The following FCRL3 variants were observed in gnomAD, a reference collection of about 807,000 sequenced individuals.
FCRL3 encodes Fc receptor-like protein 3.
FCRL3 carries 89 observed loss-of-function variants against 75.0 expected under a neutral mutation model. That is an observed-to-expected ratio of 1.19 (90% CI 1.00 to 1.42). The LOEUF is 1.42. Among genes scored for constraint, FCRL3 ranks in the 40% most tolerant of loss-of-function variants. The pLI is 0.00. For missense variants in FCRL3, 946 were observed against 880.0 expected (o/e 1.07, Z -0.95); for synonymous variants, 376 against 348.5 (o/e 1.08, Z -0.88).
chr1:157,677,145 A>G lies in FCRL3; in HGVS notation c.*1565T>C, dbSNP rs928133839. The stretch of plus-strand genomic sequence containing the variant: ...CCAGTGGGAGCAGTGTGGATTGATC[A>G]TCACATTTTTTGAGGCCAGCAGCTG... On this transcript the variant is annotated 3_prime_UTR_variant, in exon 15 of 15. Coordinates refer to ENST00000368184, the MANE Select transcript of FCRL3 (RefSeq NM_052939.4). 1 of 1,011,890 alleles carries G rather than the reference A, an allele frequency of 9.9e-7. No homozygotes were observed. The allele number at this position is 1,011,890 out of a possible 1,614,324, so 62.7% of individuals were successfully genotyped here. A position where few individuals can be genotyped will look rare whatever the true frequency, so the allele number is the denominator to read the frequency against.
intron 4 of FCRL3, 38 bp downstream of exon 4, chr1:157,698,346 G>A (rs769234216): frequency 1.2e-6 from 2 of 1,611,034 alleles, no homozygotes; most frequent in East Asian, 2.2e-5. Context: ...CATTCTGCCT[G>A]GTGGCTTGAC....
At chr1:157,700,851 C>A, upstream of FCRL3, 1 of 647,516 alleles carries the variant, frequency 1.5e-6, no homozygotes, top group Non-Finnish European at 2.0e-6. Context: ...TGGGAAACCC[C>A]TTCACTACCT....
intron 11 of FCRL3, among the ~76,000 whole-genome samples, chr1:157,681,386 T>A (rs1654836061): frequency 7.0e-6 from 1 of 141,874 alleles, no homozygotes; most frequent in Non-Finnish European, 1.5e-5. Flanking sequence ...ATGCTATCCC[T>A]CTCCCCTCCC....
intron 8 of FCRL3, 106 bp from the exon 9 acceptor site, chr1:157,690,639 G>A: frequency 1.4e-6 from 2 of 1,383,924 alleles, no homozygotes; most frequent in Non-Finnish European, 2.0e-6. Flanking sequence ...CATGCACCTG[G>A]ATTCTGGAGA....
chr1:157,690,465 C>T lies in FCRL3; in HGVS notation c.1480G>A (p.Glu494Lys), dbSNP rs943107070. Residue 494 changes from glutamate (E) to lysine (K), a missense_variant, in exon 9 of 15, where the codon GAG becomes AAG. Glu to Lys is a moderately conservative substitution (Grantham distance 56, BLOSUM62 1). Coordinates refer to ENST00000368184, the MANE Select transcript of FCRL3 (RefSeq NM_052939.4). ...CCTCTCAGGGACTCACAGTGAAGCT[C>T]CAGCAGGTCCCCCACCACAGCCTGG... Reference protein sequence around the residue: ...GAQAVVGDLLELHCESLRGSF... With the variant: ...GAQAVVGDLLKLHCESLRGSF... The T allele has an allele frequency of 6.2e-7, 1 of 1,614,232 alleles. No homozygotes were observed. The highest frequency in any genetic ancestry group is 8.5e-7 in the Non-Finnish European group (1 of 1,180,034).
chr1:157,699,941 T>A (rs571056372), intron 2 of FCRL3, among the ~76,000 whole-genome samples: 2 of 152,276 alleles, frequency 1.3e-5, no homozygotes, highest in South Asian at 4.1e-4. Context: ...ACGGCACACT[T>A]TATTCTCTCC....
rs1203081352 is a variant in FCRL3 at position 157,696,260 on chromosome 1, A to G, written c.912T>C (p.Asn304=). 1 of 1,613,558 alleles carries G rather than the reference A, an allele frequency of 6.2e-7. No individual in the cohort carries two copies. The highest frequency in any genetic ancestry group is 8.5e-7 in the Non-Finnish European group (1 of 1,179,912). Residue 304 remains asparagine, a synonymous_variant, in exon 7 of 15, where the codon AAT becomes AAC. Transcript: ENST00000368184. ...GGGCTACTGAGCAAATAAGGACCAT[A>G]TTTTCTCCTTCAATCAGCTGCCCTC... ...PTGGQLIEGE[N]MVLICSVAQG... is the part of the protein sequence containing the mutation.
At chr1:157,696,370 G>T in intron 6 of FCRL3, 43 bp from the exon 7 acceptor site, 1 of 1,604,580 alleles carries the variant, frequency 6.2e-7, no homozygotes, top group South Asian at 1.1e-5. Context: ...TGATGGCAGG[G>T]ACATCAAGGT....
Position 157,690,374 on chromosome 1 carries a change from G to A in FCRL3, c.1571C>T (p.Ser524Phe), listed in dbSNP as rs747937607. 3 of 1,614,104 alleles carry A rather than the reference G, an allele frequency of 1.9e-6. No homozygotes were observed. The East Asian group carries it at 6.7e-5, about 36-fold the overall frequency. Reference protein sequence around the residue: ...DDTLGNISAHSGGGASFNLSL... With the variant: ...DDTLGNISAHFGGGASFNLSL... ...GAGGTTGAAGGATGCCCCTCCTCCAGAGTGGGCCGAGATGTTCCCCAAGGT... is the reference window on the plus strand; with the variant it reads ...GAGGTTGAAGGATGCCCCTCCTCCAAAGTGGGCCGAGATGTTCCCCAAGGT... Residue 524 changes from serine (S) to phenylalanine (F), a missense_variant, in exon 9 of 15, where the codon TCT (serine) becomes TTT (phenylalanine). Ser to Phe is a radical substitution (Grantham distance 155, BLOSUM62 -2). Coordinates refer to ENST00000368184, the MANE Select transcript of FCRL3 (RefSeq NM_052939.4).
intron 10 of FCRL3, among the ~76,000 whole-genome samples, chr1:157,685,925 G>GGACAAC (rs1655147192): frequency 1.3e-5 from 2 of 152,046 alleles, no homozygotes; most frequent in Non-Finnish European, 2.9e-5. Flanking sequence ...AACTATGCAT[G>GGACAAC]TCCACTATCA....
chr1:157,691,474 A>G lies in FCRL3; in HGVS notation c.1412-941T>C, dbSNP rs371090230. Among the ~76,000 whole-genome samples, 22 of 152,302 alleles carry G rather than the reference A, an allele frequency of 1.4e-4. No individual in the cohort carries two copies. The South Asian group carries it at 1.9e-3, about 13-fold the overall frequency. On this transcript the variant is annotated intron_variant, in intron 8 of 14. Coordinates refer to ENST00000368184, the MANE Select transcript of FCRL3 (RefSeq NM_052939.4). ...GGGAATGAGTGTGAATGTGGAAACT[A>G]TTCACTGAATGGCAATGATTAAACT...
At position 157,678,549 on chromosome 1, in the gene FCRL3, T is replaced by A. The variant is rs1183923149; in HGVS notation, c.*161A>T. The A allele has an allele frequency of 6.8e-7, 1 of 1,471,986 alleles. No individual in the cohort carries two copies. 91.2% of individuals were successfully genotyped at this position (1,471,986 alleles called of 1,614,324 possible). On this transcript the variant is annotated 3_prime_UTR_variant, in exon 15 of 15. Transcript: ENST00000368184. ...GCTCTCTTCCTGGGGAACACACAGA[T>A]CAGGCACAGGGGAGATTTGCAGACC...
rs143472882 is a variant in FCRL3 at position 157,697,521 on chromosome 1, G to A, written c.560-97C>T. The A allele has an allele frequency of 1.5e-4, 219 of 1,464,078 alleles. No homozygotes were observed. The African/African-American group carries it at 2.8e-3, about 19-fold the overall frequency. 90.7% of individuals were successfully genotyped at this position (1,464,078 alleles called of 1,614,324 possible). On this transcript the variant is annotated intron_variant, in intron 5 of 14. Transcript: ENST00000368184. ...TCAGCACCAGCCATCAGGAGATAGA[G>A]AAGCATGCAGAAGGAACCATCTCCC...
At chr1:157,693,866 G>A (rs1200796452) in intron 8 of FCRL3, among the ~76,000 whole-genome samples, 1 of 152,096 alleles carries the variant, frequency 6.6e-6, no homozygotes, top group African/African-American at 2.4e-5. Context: ...TCCCACCTCA[G>A]CCTCCCAAGT....
chr1:157,689,862 G>A lies in FCRL3; in HGVS notation c.1746C>T (p.Leu582=), dbSNP rs2101607243. Residue 582 remains leucine, a synonymous_variant, in exon 10 of 15, where the codon CTC becomes CTT. Transcript: ENST00000368184. ...CAGCAGCAGCAAGGACGAGGATGCT[G>A]AGCACCAGCCCCGTGATTCCCGCAG... The part of the protein sequence containing the change: ...LTAAGITGLV[L]SILVLAAAAA... 1 of 1,614,194 alleles carries A rather than the reference G, an allele frequency of 6.2e-7. No homozygotes were observed. Among genetic ancestry groups the A allele is most frequent in the South Asian group, 1.1e-5 (1 of 91,078 alleles).
Position 157,698,597 on chromosome 1 carries a change from G to T in FCRL3, c.85C>A (p.Pro29Thr). Residue 29 changes from proline to threonine, a missense_variant, in exon 4 of 15, where the codon CCT (proline) becomes ACT (threonine). Coordinates refer to ENST00000368184, the MANE Select transcript of FCRL3 (RefSeq NM_052939.4). ...CCTTTGAAGGCTGTGGACCATGGAG[G>T]ATTGAGGAGAAGTACAGCTTTTGGG... ...VAPKAVLLLN[P>T]PWSTAFKGEK... 1.2e-6 allele frequency: 2 copies of T among 1,614,016 alleles called. No homozygotes were observed. Among genetic ancestry groups the T allele is most frequent in the African/African-American group, 1.3e-5 (1 of 75,052 alleles).
chr1:157,677,936 G>T lies in FCRL3; in HGVS notation c.*774C>A, dbSNP rs936042327. 3.0e-6 allele frequency: 3 copies of T among 983,760 alleles called. No individual in the cohort carries two copies. The highest frequency in any genetic ancestry group is 6.2e-5 in the Admixed American group (1 of 16,254). The allele number at this position is 983,760 out of a possible 1,614,324, so 60.9% of individuals were successfully genotyped here. A position where few individuals can be genotyped will look rare whatever the true frequency, so the allele number is the denominator to read the frequency against. Reference sequence around the variant, plus strand: ...AGCCACATAGATATAGTAGGTTATTGTCTCGGGGTTAATGGGTGCTTATAA... The same window carrying T: ...AGCCACATAGATATAGTAGGTTATTTTCTCGGGGTTAATGGGTGCTTATAA... On this transcript the variant is annotated 3_prime_UTR_variant, in exon 15 of 15. Transcript: ENST00000368184.
In FCRL3 at chr1:157,678,844, G is replaced by A. The variant is rs1245786142; in HGVS notation, c.2071C>T (p.Leu691Phe). Reference sequence around the variant, plus strand: ...TGTGTCTTCTTCAGTTCTGAATAGAGGACTGTAAGTTCCTGGTAGAAAAAA... The same window carrying A: ...TGTGTCTTCTTCAGTTCTGAATAGAAGACTGTAAGTTCCTGGTAGAAAAAA... ...MHQEHEELTV[L>F]YSELKKTHPD... The change falls in exon 15 of 15, where the codon CTC (leucine) becomes TTC (phenylalanine). Residue 691 changes from leucine (L) to phenylalanine (F), a missense_variant. Physicochemically the swap from Leu to Phe is conservative, Grantham distance 22 (BLOSUM62 0). Transcript: ENST00000368184. 5 of 1,613,826 alleles carry A rather than the reference G, an allele frequency of 3.1e-6. No individual in the cohort carries two copies. The East Asian group carries it at 6.7e-5, about 22-fold the overall frequency.
intron 10 of FCRL3, among the ~76,000 whole-genome samples, chr1:157,684,338 A>G (rs960394519): frequency 6.6e-5 from 10 of 152,150 alleles, no homozygotes; most frequent in African/African-American, 2.4e-4. Flanking sequence ...CTCAAAATAA[A>G]CATACCAGCC....
Sources: gnomAD v4.1 joint callset for allele counts (sites outside exome capture counted in the v4.1 genomes callset) on GRCh38, gnomAD v4.1.1 for gene constraint, MANE v1.5 for transcripts, NCBI Gene and HGNC (gene_info 2026-07-23, HGNC 2026-07-21) for gene names.